Variants in TTC7B observed in about 807,000 individuals in gnomAD.
TTC7B encodes the protein tetratricopeptide repeat protein 7B.
Under a neutral mutation model 106.8 loss-of-function variants are expected in TTC7B, and 28 were observed. The ratio of observed to expected loss-of-function variants is 0.26; its 90% CI spans 0.19 to 0.36. TTC7B has a LOEUF of 0.36. Among genes scored for constraint, TTC7B ranks in the 10% least tolerant of loss-of-function variants. The pLI is 1.00. For missense variants in TTC7B, 862 were observed against 1,076.4 expected, an observed-to-expected ratio of 0.80 and a Z score of 2.79; for synonymous variants, 405 against 430.6, an observed-to-expected ratio of 0.94 and a Z score of 0.74.
chr14:90,764,047 CA>C (rs1890593420), intron 3 of TTC7B, among the ~76,000 whole-genome samples: 1 of 152,056 alleles, frequency 6.6e-6, no homozygotes, highest in South Asian at 2.1e-4. Context: ...ACACACTCCC[CA>C]AACTCAAAAC....
chr14:90,569,830 C>T (rs1253695809), intron 19 of TTC7B: 2 of 152,380 alleles, frequency 1.3e-5, no homozygotes, highest in African/African-American at 4.8e-5. Context: ...TGTGATTGCC[C>T]ATGTGGACAG....
At chr14:90,542,388 A>G (rs1267826209) in intron 19 of TTC7B, among the ~76,000 whole-genome samples, 1 of 152,044 alleles carries the variant, frequency 6.6e-6, no homozygotes, top group South Asian at 2.1e-4. Flanking sequence ...CCCAGCTGTC[A>G]TCTTCGTTTT....
Position 90,537,671 on chromosome 14 carries a change from C to T in TTC7B, c.*3697G>A, listed in dbSNP as rs1036733774. The T allele has an allele frequency of 6.6e-6, 1 of 152,458 alleles. No homozygotes were observed. The highest frequency in any genetic ancestry group is 1.5e-5 in the Non-Finnish European group (1 of 68,216). The allele number at this position is 152,458 out of a possible 1,614,324, so 9.4% of individuals were successfully genotyped here. On this transcript the variant is annotated 3_prime_UTR_variant, in exon 20 of 20. Coordinates refer to ENST00000328459, the MANE Select transcript of TTC7B (RefSeq NM_001010854.2). ...TTCCTGCTTCCTGAGATGTCCTCCT[C>T]CCAGGTTACCTGTCTTTCTTCAGCC...
chr14:90,714,633 T>G (rs1888584331), intron 5 of TTC7B, among the ~76,000 whole-genome samples: 2 of 151,946 alleles, frequency 1.3e-5, no homozygotes, highest in African/African-American at 4.8e-5. Context: ...ATTTTTGTAT[T>G]TTTAGTAGAG....
intron 8 of TTC7B, chr14:90,677,821 C>T: frequency 4.4e-6 from 2 of 455,592 alleles, no homozygotes; most frequent in South Asian, 3.1e-5. Flanking sequence ...AGTACTTACT[C>T]ACTTTAAAAC....
intron 18 of TTC7B, among the ~76,000 whole-genome samples, chr14:90,580,332 C>T (rs1486853872): frequency 3.3e-5 from 5 of 152,202 alleles, no homozygotes; most frequent in Non-Finnish European, 4.4e-5. Context: ...CATGGTGATC[C>T]AGTAGGTACT....
intron 5 of TTC7B, among the ~76,000 whole-genome samples, chr14:90,725,078 T>C (rs1042296551): frequency 6.6e-6 from 1 of 152,232 alleles, no homozygotes; most frequent in Non-Finnish European, 1.5e-5. Flanking sequence ...GTGGTGGTTA[T>C]TAAATGCTTA....
chr14:90,543,612 C>T (rs556666568), intron 19 of TTC7B, among the ~76,000 whole-genome samples: 5 of 152,320 alleles, frequency 3.3e-5, no homozygotes, highest in South Asian at 4.1e-4. Flanking sequence ...GTACTATTTT[C>T]GATGAATTTC....
Position 90,576,838 on chromosome 14 carries a change from A to G in TTC7B, c.2310+1268T>C, listed in dbSNP as rs566932555. ...ACTATGAGAAATGGCAAGATAATGAAGGCTTTGGGATGCTTTGGGGAACAT... is the reference window on the plus strand; with the variant it reads ...ACTATGAGAAATGGCAAGATAATGAGGGCTTTGGGATGCTTTGGGGAACAT... On this transcript the variant is annotated intron_variant, in intron 19 of 19. Transcript: ENST00000328459. Among the ~76,000 whole-genome samples the G allele has an allele frequency of 2.6e-5, 4 of 152,348 alleles. No homozygotes were observed. The South Asian group carries it at 8.3e-4, about 32-fold the overall frequency.
At chr14:90,571,121 C>G (rs1267320099) in intron 19 of TTC7B, among the ~76,000 whole-genome samples, 1 of 152,216 alleles carries the variant, frequency 6.6e-6, no homozygotes, top group Non-Finnish European at 1.5e-5. Flanking sequence ...AGAAAGTCCC[C>G]TCTCACTGTG....
chr14:90,787,861 CAAG>C (rs1279945386), intron 1 of TTC7B, among the ~76,000 whole-genome samples: 1 of 152,104 alleles, frequency 6.6e-6, no homozygotes, highest in African/African-American at 2.4e-5. Flanking sequence ...ATTAGACATG[CAAG>C]AAGAAAAAGC....
At chr14:90,655,512 T>A (rs1353948065) in intron 11 of TTC7B, among the ~76,000 whole-genome samples, 1 of 152,210 alleles carries the variant, frequency 6.6e-6, no homozygotes, top group Non-Finnish European at 1.5e-5. Flanking sequence ...TTTCCCCCCC[T>A]ACCCAGGATA....
intron 1 of TTC7B, among the ~76,000 whole-genome samples, chr14:90,806,565 C>T (rs533954048): frequency 2.5e-4 from 38 of 152,212 alleles, no homozygotes; most frequent in South Asian, 1.9e-3. Context: ...ATGCTGGTGC[C>T]GGAAACTGCA....
chr14:90,711,442 G>A (rs954300465), intron 5 of TTC7B, among the ~76,000 whole-genome samples: 12 of 152,092 alleles, frequency 7.9e-5, no homozygotes, highest in Non-Finnish European at 1.2e-4. Flanking sequence ...TTTTTCTCCC[G>A]ATGGAGTCTC....
chr14:90,784,602 C>T (rs1566886628), intron 2 of TTC7B, among the ~76,000 whole-genome samples: 2 of 151,942 alleles, frequency 1.3e-5, no homozygotes, highest in Non-Finnish European at 2.9e-5. Flanking sequence ...GATGGGGTTT[C>T]GCCATGTTGG....
rs1236511493 is a variant in TTC7B at position 90,786,168 on chromosome 14, T to C, written c.276+6A>G. 2 of 1,533,022 alleles carry C rather than the reference T, an allele frequency of 1.3e-6. No individual in the cohort carries two copies. Among genetic ancestry groups the C allele is most frequent in the Non-Finnish European group, 1.7e-6 (2 of 1,143,718 alleles). The allele number at this position is 1,533,022 out of a possible 1,614,324, so 95.0% of individuals were successfully genotyped here. A position where few individuals can be genotyped will look rare whatever the true frequency, so the allele number is the denominator to read the frequency against. On this transcript the variant is annotated splice_donor_region_variant and intron_variant, in intron 2 of 19. Transcript: ENST00000328459. The stretch of plus-strand genomic sequence containing the variant: ...AGTGTCGCCTCAGCCCAGAGGCCCA[T>C]GGTACCTTAAGGTTCCCTCGGTCCA...
intron 15 of TTC7B, among the ~76,000 whole-genome samples, chr14:90,627,930 T>A (rs2139860938): frequency 6.6e-6 from 1 of 152,306 alleles, no homozygotes; most frequent in South Asian, 2.1e-4. Flanking sequence ...AAACACCTCT[T>A]GAACCTTACT....
At chr14:90,658,779 G>T (rs1201416841) in intron 9 of TTC7B, among the ~76,000 whole-genome samples, 1 of 152,210 alleles carries the variant, frequency 6.6e-6, no homozygotes, top group Non-Finnish European at 1.5e-5. Flanking sequence ...AAACTGAGCT[G>T]GGCCTTCCCC....
chr14:90,718,990 G>C (rs1046510847), intron 5 of TTC7B, among the ~76,000 whole-genome samples: 1 of 152,108 alleles, frequency 6.6e-6, no homozygotes, highest in Non-Finnish European at 1.5e-5. Context: ...GCCGGGCACA[G>C]TGGCTTGCGC....
Sources: gnomAD v4.1 joint callset for allele counts (sites outside exome capture counted in the v4.1 genomes callset) on GRCh38, gnomAD v4.1.1 for gene constraint, MANE v1.5 for transcripts, NCBI Gene and HGNC (gene_info 2026-07-23, HGNC 2026-07-21) for gene names.